The following SGCZ variants were observed in gnomAD, a reference collection of about 807,000 sequenced individuals.
SGCZ encodes the protein zeta-sarcoglycan.
SGCZ carries 40 observed loss-of-function variants against 41.3 expected under a neutral mutation model. The observed-to-expected ratio is 0.97, with a 90% confidence interval of 0.75 to 1.26. The LOEUF is 1.26. Among genes scored for constraint, SGCZ ranks in the 50% most tolerant of loss-of-function variants. SGCZ has a pLI of 0.00. For missense variants in SGCZ, 552 were observed against 369.8 expected, an observed-to-expected ratio of 1.49 and a Z score of -4.04; for synonymous variants, 206 against 137.5, an observed-to-expected ratio of 1.50 and a Z score of -3.49.
intron 4 of SGCZ, among the ~76,000 whole-genome samples, chr8:14,231,214 G>A (rs1033271276): frequency 5.8e-5 from 8 of 138,504 alleles, no homozygotes; most frequent in Non-Finnish European, 9.4e-5. Context: ...AGAGAGAGGG[G>A]GAAAGAGAGA....
At chr8:14,809,353 C>G (rs1184799403) in intron 1 of SGCZ, among the ~76,000 whole-genome samples, 1 of 151,968 alleles carries the variant, frequency 6.6e-6, no homozygotes, top group Non-Finnish European at 1.5e-5. Flanking sequence ...AAATGAAAAA[C>G]TTTGTTTTGC....
intron 2 of SGCZ, among the ~76,000 whole-genome samples, chr8:14,437,072 G>A (rs1036579324): frequency 1.3e-5 from 2 of 152,124 alleles, no homozygotes; most frequent in African/African-American, 2.4e-5. Flanking sequence ...GACTTTTGGT[G>A]ATATTAGCAT....
chr8:14,669,717 C>T (rs1808041644), intron 1 of SGCZ, among the ~76,000 whole-genome samples: 1 of 151,942 alleles, frequency 6.6e-6, no homozygotes, highest in Admixed American at 6.6e-5. Flanking sequence ...CACACACACA[C>T]ACACACACAC....
chr8:14,758,518 T>A (rs556120161), intron 1 of SGCZ, among the ~76,000 whole-genome samples: 1 of 152,144 alleles, frequency 6.6e-6, no homozygotes, highest in East Asian at 1.9e-4. Flanking sequence ...GTTGAATCAT[T>A]CCTGAGAAAT....
rs1249913079 is a variant in SGCZ, at chr8:14,168,326, T to C, written c.425-3624A>G. Among the ~76,000 whole-genome samples, 4 of 144,090 alleles carry C rather than the reference T, an allele frequency of 2.8e-5. No individual in the cohort carries two copies. In the East Asian group the frequency reaches 7.7e-4, roughly 28 times the overall value. 94.5% of individuals were successfully genotyped at this position (144,090 alleles called of 152,430 possible). The stretch of plus-strand genomic sequence containing the variant: ...AACAAAATAAGCTGCTTTCATGAAA[T>C]ATAAATATAAATATACACTGTAATA... On this transcript the variant is annotated intron_variant, in intron 4 of 7. Coordinates refer to ENST00000382080, the MANE Select transcript of SGCZ (RefSeq NM_139167.4).
At chr8:15,184,101 C>A (rs1800259763) in intron 1 of SGCZ, among the ~76,000 whole-genome samples, 1 of 152,142 alleles carries the variant, frequency 6.6e-6, no homozygotes, top group Admixed American at 6.5e-5. Context: ...TCCAATTACA[C>A]ATTTTCTGTA....
chr8:14,150,419 A>G (rs1345980895), intron 5 of SGCZ, among the ~76,000 whole-genome samples: 1 of 152,142 alleles, frequency 6.6e-6, no homozygotes, highest in Admixed American at 6.6e-5. Context: ...ACAGGCATAC[A>G]AAAAATGCTC....
At chr8:14,409,895 T>C (rs1484652961) in intron 2 of SGCZ, among the ~76,000 whole-genome samples, 2 of 152,020 alleles carry the variant, frequency 1.3e-5, no homozygotes, top group African/African-American at 2.4e-5. Context: ...TATGACACAA[T>C]ATATGGGAGG....
chr8:14,170,188 G>A (rs934493129), intron 4 of SGCZ, among the ~76,000 whole-genome samples: 26 of 145,152 alleles, frequency 1.8e-4, no homozygotes, highest in Admixed American at 9.6e-4. Context: ...ATCTCCCCCC[G>A]CACCGAATCC....
At chr8:14,952,851 C>G (rs138263149) in intron 1 of SGCZ, among the ~76,000 whole-genome samples, 2,086 of 152,252 alleles carry the variant, frequency 0.014, 61 homozygotes, top group African/African-American at 0.047. Flanking sequence ...TGTCCTGATA[C>G]AAAGTGTTCA....
At chr8:14,333,537 T>A (rs1802408190) in intron 2 of SGCZ, among the ~76,000 whole-genome samples, 1 of 152,126 alleles carries the variant, frequency 6.6e-6, no homozygotes, top group South Asian at 2.1e-4. Flanking sequence ...AAAAGTTACT[T>A]TTTCAAATAA....
At chr8:14,729,166 A>G (rs1305787507) in intron 1 of SGCZ, among the ~76,000 whole-genome samples, 1 of 152,120 alleles carries the variant, frequency 6.6e-6, no homozygotes, top group African/African-American at 2.4e-5. Context: ...CCACACCACT[A>G]AAGTCACACC....
At chr8:15,120,647 G>T (rs1807442462) in intron 1 of SGCZ, among the ~76,000 whole-genome samples, 1 of 152,010 alleles carries the variant, frequency 6.6e-6, no homozygotes, top group Non-Finnish European at 1.5e-5. Flanking sequence ...TTTTATAAAG[G>T]TTCCATTATG....
chr8:15,005,201 T>C (rs1802560936), intron 1 of SGCZ, among the ~76,000 whole-genome samples: 1 of 152,010 alleles, frequency 6.6e-6, no homozygotes, highest in South Asian at 2.1e-4. Context: ...GCATCAAAAG[T>C]TCAAAAGGCA....
At chr8:14,610,671 T>A (rs568754199) in intron 1 of SGCZ, among the ~76,000 whole-genome samples, 1 of 152,206 alleles carries the variant, frequency 6.6e-6, no homozygotes, top group Non-Finnish European at 1.5e-5. Flanking sequence ...GAAGTGATGA[T>A]GATATAAGGC....
At chr8:14,223,313 G>A in intron 4 of SGCZ, among the ~76,000 whole-genome samples, 1 of 151,744 alleles carries the variant, frequency 6.6e-6, no homozygotes, top group Non-Finnish European at 1.5e-5. Flanking sequence ...AGAATACTTT[G>A]GAAACATTTC....
intron 1 of SGCZ, among the ~76,000 whole-genome samples, chr8:14,610,759 G>C (rs1805902021): frequency 6.6e-6 from 1 of 152,176 alleles, no homozygotes; most frequent in Non-Finnish European, 1.5e-5. Flanking sequence ...GCCTCAAGGA[G>C]AGGGAAGGCT....
intron 3 of SGCZ, among the ~76,000 whole-genome samples, chr8:14,271,723 C>T (rs1800065699): frequency 6.6e-6 from 1 of 152,130 alleles, no homozygotes; most frequent in Non-Finnish European, 1.5e-5. Context: ...ACTTGCTCTG[C>T]AAACCCTCTA....
At position 14,135,138 on chromosome 8, in the gene SGCZ, C is replaced by T. The variant is rs188514295; in HGVS notation, c.548-26903G>A. ...TACATTAACAGGATAAATTCCATTA[C>T]GCTTTCTACTGTGTTTCCTAGAATA... On this transcript the variant is annotated intron_variant, in intron 5 of 7. Transcript: ENST00000382080. Among the ~76,000 whole-genome samples the T allele has an allele frequency of 1.3e-4, 20 of 152,216 alleles. No individual in the cohort carries two copies. The East Asian group carries it at 2.5e-3, about 19-fold the overall frequency.
Sources: gnomAD v4.1 joint callset for allele counts (sites outside exome capture counted in the v4.1 genomes callset) on GRCh38, gnomAD v4.1.1 for gene constraint, MANE v1.5 for transcripts, NCBI Gene and HGNC (gene_info 2026-07-23, HGNC 2026-07-21) for gene names.